MAP4: variants seen among roughly 807,000 people sequenced by gnomAD.
MAP4 encodes the protein microtubule-associated protein 4.
Under a neutral mutation model 170.2 loss-of-function variants are expected in MAP4, and 76 were observed. The observed-to-expected ratio is 0.45, with a 90% CI of 0.37 to 0.54. The LOEUF (loss-of-function observed/expected upper bound fraction) is 0.54. MAP4 is among the 20% of genes least tolerant of loss of function. The pLI is 0.00. For synonymous variants in MAP4, 909 were observed against 994.5 expected (o/e 0.91, Z 1.62); for missense variants, 2,506 against 2,748.0 (o/e 0.91, Z 1.97).
At chr3:48,047,477 T>A (rs1049402743) in intron 1 of MAP4, among the ~76,000 whole-genome samples, 2 of 151,986 alleles carry the variant, frequency 1.3e-5, no homozygotes, top group African/African-American at 4.8e-5. Flanking sequence ...GAGGAAGCCA[T>A]GGTGGCTGAA....
At chr3:47,936,592 T>C (rs2100053009) in intron 3 of MAP4, among the ~76,000 whole-genome samples, 1 of 151,678 alleles carries the variant, frequency 6.6e-6, no homozygotes, top group African/African-American at 2.4e-5. Flanking sequence ...ACACGTAACA[T>C]TGAGGAAATC....
intron 1 of MAP4, among the ~76,000 whole-genome samples, chr3:48,029,190 C>G (rs2100114651): frequency 6.6e-6 from 1 of 152,002 alleles, no homozygotes; most frequent in Admixed American, 6.6e-5. Context: ...GTAATCCCAG[C>G]ACTTTGTGAG....
At chr3:47,998,003 T>G (rs2100096896) in intron 2 of MAP4, among the ~76,000 whole-genome samples, 1 of 152,078 alleles carries the variant, frequency 6.6e-6, no homozygotes, top group African/African-American at 2.4e-5. Context: ...TATCAAACAC[T>G]GAAAAGAAGA....
chr3:47,911,101 G>A lies in MAP4; in HGVS notation c.3320C>T (p.Thr1107Ile). The A allele has an allele frequency of 6.5e-7, 1 of 1,536,142 alleles. No individual in the cohort carries two copies. Among genetic ancestry groups the A allele is most frequent in the Non-Finnish European group, 8.7e-7 (1 of 1,146,916 alleles). ...CTTATCCTGAGTAGTCATTCCTTCA[G>A]TTTTAGAGACTGGCTCACTCGGTAT... ...VLIPSEPVSK[T>I]EGMTTQDKSE... Residue 1107 changes from threonine to isoleucine, a missense_variant, in exon 9 of 21, where the codon ACT becomes ATT. By Grantham distance (89) the Thr-to-Ile change is moderately conservative. Around this residue, in one of 3 missense-constraint regions of MAP4, gnomAD observed 2,008 missense variants for 2,206.0 expected, o/e 0.91. Transcript: ENST00000683076. This position sits in a 1 kb window ranked among gnomAD's most constrained non-coding sequence, Gnocchi z 4.0.
chr3:48,030,336 C>T (rs1307555111), intron 1 of MAP4, among the ~76,000 whole-genome samples: 1 of 151,910 alleles, frequency 6.6e-6, no homozygotes, highest in Non-Finnish European at 1.5e-5. Context: ...ATACCTCACA[C>T]CCAGATGCTG....
At chr3:48,047,560 A>C (rs1024750214) in intron 1 of MAP4, among the ~76,000 whole-genome samples, 1 of 152,176 alleles carries the variant, frequency 6.6e-6, no homozygotes, top group African/African-American at 2.4e-5. Context: ...AACATAACTT[A>C]TAAGGAGTCA....
intron 10 of MAP4, among the ~76,000 whole-genome samples, chr3:47,898,457 G>A (rs1203073794): frequency 2.0e-5 from 3 of 150,486 alleles, no homozygotes; most frequent in Non-Finnish European, 3.0e-5. Flanking sequence ...AGCTGAGATC[G>A]CGCCACTGCA....
chr3:47,928,468 G>T, intron 3 of MAP4, 118 bp from the exon 4 acceptor site: 1 of 1,033,222 alleles, frequency 9.7e-7, no homozygotes, highest in Non-Finnish European at 1.4e-6. Context: ...TCTAGCTAGT[G>T]TCTTACAAGA....
chr3:47,919,033 G>A (rs1264711632), intron 5 of MAP4, among the ~76,000 whole-genome samples, 192 bp from the exon 6 acceptor site: 1 of 151,992 alleles, frequency 6.6e-6, no homozygotes, highest in African/African-American at 2.4e-5. Flanking sequence ...CCGGGTTCAC[G>A]CCATTCTCCT....
At position 47,872,015 on chromosome 3, in the gene MAP4, C is replaced by T; in HGVS notation, c.5843G>A (p.Ser1948Asn). 6.2e-7 allele frequency: 1 copy of T among 1,614,056 alleles called. No homozygotes were observed. Among genetic ancestry groups the T allele is most frequent in the Non-Finnish European group, 8.5e-7 (1 of 1,180,008 alleles). Residue 1948 changes from serine to asparagine, a missense_variant, in exon 13 of 21, where the codon AGC becomes AAC. By Grantham distance (46) the Ser-to-Asn change is conservative (BLOSUM62 1). Coordinates refer to ENST00000683076, the MANE Select transcript of MAP4 (RefSeq NM_001385682.1). Reference protein sequence around the residue: ...SAPASRSGSKSTQTVAKTTTA... With the variant: ...SAPASRSGSKNTQTVAKTTTA... ...TGTGGTTTTTGCAACAGTCTGAGTG[C>T]TCTTGGACCCAGATCTGGAGGCTGG...
chr3:47,859,022 G>A (rs1304640822), intron 17 of MAP4, among the ~76,000 whole-genome samples: 1 of 152,078 alleles, frequency 6.6e-6, no homozygotes, highest in Non-Finnish European at 1.5e-5. Flanking sequence ...CCCAGTACTC[G>A]GGAGGCTGAG....
Position 47,909,222 on chromosome 3 carries a change from T to A in MAP4, c.5199A>T (p.Thr1733=), listed in dbSNP as rs774137294. Residue 1733 remains threonine (T), a synonymous_variant, in exon 9 of 21, where the codon ACA becomes ACT. Coordinates refer to ENST00000683076, the MANE Select transcript of MAP4 (RefSeq NM_001385682.1). Reference sequence around the variant, plus strand: ...CAGATTTTTCTGTCATTTTCTGAGGTGTCTCCAAAATCTTATCTTTGGGTT... The same window carrying A: ...CAGATTTTTCTGTCATTTTCTGAGGAGTCTCCAAAATCTTATCTTTGGGTT... The part of the protein sequence containing the change: ...LPEPKDKILE[T]PQKMTEKSES... 4 of 1,613,828 alleles carry A rather than the reference T, an allele frequency of 2.5e-6. No homozygotes were observed. The highest frequency in any genetic ancestry group is 1.3e-5 in the African/African-American group (1 of 74,912).
At chr3:47,863,937 T>TGTGGGGGGG in intron 17 of MAP4, among the ~76,000 whole-genome samples, 1 of 138,478 alleles carries the variant, frequency 7.2e-6, no homozygotes, top group African/African-American at 2.7e-5. Context: ...TGTGTGTGTG[T>TGTGGGGGGG]GGGGAGTGGT....
chr3:47,963,096 CT>C (rs34039717), intron 3 of MAP4, among the ~76,000 whole-genome samples: 1 of 152,216 alleles, frequency 6.6e-6, no homozygotes. Context: ...CTGGAGCTCA[CT>C]TTTGAAGTTT....
At position 47,910,651 on chromosome 3, in the gene MAP4, C is replaced by A; in HGVS notation, c.3770G>T (p.Ser1257Ile). 1 of 1,536,084 alleles carries A rather than the reference C, an allele frequency of 6.5e-7. No homozygotes were observed. The change falls in exon 9 of 21, where the codon AGC (serine) becomes ATC (isoleucine). Residue 1257 changes from serine to isoleucine, a missense_variant. Around this residue, in one of 3 missense-constraint regions of MAP4, gnomAD observed 2,008 missense variants for 2,206.0 expected, o/e 0.91. Transcript: ENST00000683076. ...DGDTGSIPHK[S>I]KEIGFTFPKM... Reference sequence around the variant, plus strand: ...GGGGAAAGTAAATCCTATTTCCTTGCTTTTATGGGGAATACTACCAGTATC... The same window carrying A: ...GGGGAAAGTAAATCCTATTTCCTTGATTTTATGGGGAATACTACCAGTATC...
At chr3:47,964,852 ATTTG>A (rs1272511431) in intron 3 of MAP4, among the ~76,000 whole-genome samples, 2 of 152,164 alleles carry the variant, frequency 1.3e-5, no homozygotes, top group African/African-American at 4.8e-5. Context: ...TATGAGCTGC[ATTTG>A]TTTATTTCTA....
chr3:47,858,388 G>T (rs13066266), intron 17 of MAP4, among the ~76,000 whole-genome samples: 35,248 of 151,916 alleles, frequency 0.23, 5,181 homozygotes, highest in Admixed American at 0.3. Context: ...TTTCTGTGCA[G>T]ACCCTGTCCA....
At chr3:47,882,620 T>C (rs1419951071) in intron 10 of MAP4, among the ~76,000 whole-genome samples, 1 of 152,102 alleles carries the variant, frequency 6.6e-6, no homozygotes, top group African/African-American at 2.4e-5. Context: ...TGTTTTTTCC[T>C]CTAGAGATGG....
intron 1 of MAP4, among the ~76,000 whole-genome samples, chr3:48,026,359 T>C (rs1298843325): frequency 1.3e-5 from 2 of 152,192 alleles, no homozygotes; most frequent in Non-Finnish European, 2.9e-5. Context: ...TACAACAGTT[T>C]CTCTTTTAAA....
Sources: allele counts gnomAD v4.1 joint callset (sites outside exome capture counted in the v4.1 genomes callset), GRCh38; gene constraint gnomAD v4.1.1; regional missense constraint gnomAD v4.1.1; non-coding constraint Gnocchi (gnomAD v3.1); transcripts MANE v1.5; gene names NCBI Gene and HGNC (gene_info 2026-07-23, HGNC 2026-07-21).